Variants in MYZAP observed in about 807,000 individuals in gnomAD.
The protein encoded by MYZAP is myocardial zonula adherens protein, also known as GRINL1A complex locus upstream.
In MYZAP, 66 loss-of-function variants were observed where a neutral mutation model predicts 69.4. The ratio of observed to expected loss-of-function variants is 0.95; its 90% confidence interval spans 0.78 to 1.17. MYZAP has a LOEUF of 1.17. Ranked by LOEUF, MYZAP falls within the 50% of genes most tolerant of loss-of-function variation. The probability of loss-of-function intolerance (pLI) is 0.00; values close to 1 mark genes in which losing one functional copy is unlikely to be tolerated. For synonymous variants in MYZAP, 256 were observed against 205.9 expected (o/e 1.24, Z -2.09); for missense variants, 611 against 556.2 (o/e 1.10, Z -0.99).
intron 2 of MYZAP, 133 bp downstream of exon 2, chr15:57,604,488 C>A: frequency 1.1e-6 from 1 of 870,044 alleles, no homozygotes; most frequent in Non-Finnish European, 1.8e-6. Context: ...CCCTCTCAAC[C>A]TTCCCACCTC....
At chr15:57,674,138 A>T (rs1050108884) in intron 11 of MYZAP, among the ~76,000 whole-genome samples, 6 of 149,872 alleles carry the variant, frequency 4.0e-5, no homozygotes, top group Admixed American at 6.6e-5. Context: ...CTTTCTGAAT[A>T]TTTTTTTTTT....
rs1302993969 is a variant in MYZAP at position 57,646,381 on chromosome 15, T to G, written c.1119+6836T>G. ...CTTGTTTGTGAAAACACCCACATAC[T>G]GTCACCCTGACTTGTACAGCCTCAA... On this transcript the variant is annotated intron_variant, in intron 10 of 12. Coordinates refer to ENST00000267853, the MANE Select transcript of MYZAP (RefSeq NM_001018100.5). 1.1e-5 allele frequency: 13 copies of G among 1,167,564 alleles called. No homozygotes were observed. In the Admixed American group the frequency reaches 3.8e-4, roughly 34 times the overall value. The allele number at this position is 1,167,564 out of a possible 1,614,324, so 72.3% of individuals were successfully genotyped here. A position where few individuals can be genotyped will look rare whatever the true frequency, so the allele number is the denominator to read the frequency against.
intron 12 of MYZAP, among the ~76,000 whole-genome samples, chr15:57,681,098 T>A (rs2039414532): frequency 6.6e-6 from 1 of 152,224 alleles, no homozygotes; most frequent in Non-Finnish European, 1.5e-5. Context: ...ACCTAGAAGG[T>A]TCACCTTTAT....
At chr15:57,593,244 A>G (rs562322276) in intron 1 of MYZAP, among the ~76,000 whole-genome samples, 2 of 146,882 alleles carry the variant, frequency 1.4e-5, no homozygotes, top group African/African-American at 5.0e-5. Flanking sequence ...GCTCATGCCC[A>G]AGGTTGACAG....
chr15:57,604,686 A>C (rs2034633977), intron 2 of MYZAP, among the ~76,000 whole-genome samples: 1 of 152,086 alleles, frequency 6.6e-6, no homozygotes, highest in Non-Finnish European at 1.5e-5. Context: ...CAGTTGCTTC[A>C]AAGGGCCTAT....
At chr15:57,643,455 A>T (rs1396612848) in intron 10 of MYZAP, among the ~76,000 whole-genome samples, 2 of 152,176 alleles carry the variant, frequency 1.3e-5, no homozygotes, top group African/African-American at 4.8e-5. Flanking sequence ...GAGAGCTGGG[A>T]GGAGTGTAAA....
chr15:57,643,729 GGTTTTTTTTTT>G (rs1169627681), intron 10 of MYZAP, among the ~76,000 whole-genome samples: 2 of 149,772 alleles, frequency 1.3e-5, no homozygotes, highest in Admixed American at 6.6e-5. Context: ...TTTCTTAAGA[GGTTTTTTTTTT>G]GTTTTTTTTT....
At chr15:57,668,270 A>G (rs1040553291) in intron 11 of MYZAP, among the ~76,000 whole-genome samples, 4 of 152,200 alleles carry the variant, frequency 2.6e-5, no homozygotes, top group South Asian at 2.1e-4. Flanking sequence ...CATTATGTGA[A>G]GATAGTTTTA....
At chr15:57,658,254 G>C (rs562041263) in intron 10 of MYZAP, among the ~76,000 whole-genome samples, 1 of 152,152 alleles carries the variant, frequency 6.6e-6, no homozygotes, top group Admixed American at 6.5e-5. Flanking sequence ...GTATTTTAAA[G>C]CAAATCCCAG....
chr15:57,616,856 A>C (rs2035497905), intron 2 of MYZAP, among the ~76,000 whole-genome samples: 1 of 68,484 alleles, frequency 1.5e-5, no homozygotes, highest in Non-Finnish European at 2.9e-5. Context: ...TTGTGAATAC[A>C]TGGCAAGAAT....
intron 2 of MYZAP, among the ~76,000 whole-genome samples, chr15:57,615,217 C>T (rs898747038): frequency 1.3e-5 from 2 of 152,214 alleles, no homozygotes. Flanking sequence ...AGTGAAATCT[C>T]ATTTTCCTGA....
chr15:57,659,832 T>A (rs1344269557), intron 10 of MYZAP, among the ~76,000 whole-genome samples: 1 of 152,224 alleles, frequency 6.6e-6, no homozygotes, highest in Non-Finnish European at 1.5e-5. Context: ...ACAAGGCTTA[T>A]GTTTATTACA....
At chr15:57,646,913 A>G in intron 10 of MYZAP, 4 of 985,448 alleles carry the variant, frequency 4.1e-6, no homozygotes, top group Non-Finnish European at 4.8e-6. Flanking sequence ...TTATTTTTAT[A>G]GAGGTCTTTC....
chr15:57,651,074 G>A (rs1002236495), intron 10 of MYZAP, among the ~76,000 whole-genome samples: 2 of 152,180 alleles, frequency 1.3e-5, no homozygotes, highest in South Asian at 4.1e-4. Context: ...GTGGGTGCTG[G>A]GTGAATAGGA....
intron 3 of MYZAP, among the ~76,000 whole-genome samples, chr15:57,618,599 A>T (rs1475802277): frequency 1.3e-5 from 2 of 152,170 alleles, no homozygotes; most frequent in Admixed American, 1.3e-4. Context: ...ACCACAATAG[A>T]CTTTGTCCAA....
intron 12 of MYZAP, among the ~76,000 whole-genome samples, chr15:57,677,288 A>T (rs2039190809): frequency 6.6e-6 from 1 of 152,230 alleles, no homozygotes; most frequent in African/African-American, 2.4e-5. Context: ...TGTCTGTTGG[A>T]TTCCAAGTAA....
chr15:57,634,060 T>C (rs2036668469), intron 8 of MYZAP, among the ~76,000 whole-genome samples: 1 of 152,214 alleles, frequency 6.6e-6, no homozygotes, highest in Non-Finnish European at 1.5e-5. Context: ...ATTTAGGTGT[T>C]ACATCAACAC....
chr15:57,635,214 A>G (rs903644605), intron 8 of MYZAP, among the ~76,000 whole-genome samples: 17 of 152,216 alleles, frequency 1.1e-4, no homozygotes, highest in African/African-American at 4.1e-4. Flanking sequence ...TAAAATGCTG[A>G]TAATGGTACT....
intron 5 of MYZAP, among the ~76,000 whole-genome samples, chr15:57,627,843 C>T (rs2036254091): frequency 6.6e-6 from 1 of 151,904 alleles, no homozygotes; most frequent in African/African-American, 2.4e-5. Context: ...ATCTGTGAAG[C>T]CAGTGGGGCT....
Sources: gnomAD v4.1 joint callset for allele counts (sites outside exome capture counted in the v4.1 genomes callset) on GRCh38, gnomAD v4.1.1 for gene constraint, MANE v1.5 for transcripts, NCBI Gene and HGNC (gene_info 2026-07-23, HGNC 2026-07-21) for gene names.